The following ANXA4 variants were observed in gnomAD, a reference collection of about 807,000 sequenced individuals.
ANXA4 encodes the protein annexin A4, also known as 35-beta calcimedin.
A neutral mutation model predicts 49.8 loss-of-function variants in ANXA4; 39 were observed. The observed-to-expected ratio is 0.78, with a 90% CI of 0.61 to 1.02. ANXA4 has a LOEUF of 1.02. Ranked by LOEUF, ANXA4 falls within the 50% of genes least tolerant of loss-of-function variation. The pLI is 0.00. For missense variants in ANXA4, 360 were observed against 410.1 expected (o/e 0.88, Z 1.05); for synonymous variants, 134 against 152.5 (o/e 0.88, Z 0.89).
At chr2:69,668,417 C>G (rs1677023380) in intron 2 of ANXA4, among the ~76,000 whole-genome samples, 1 of 151,962 alleles carries the variant, frequency 6.6e-6, no homozygotes, top group Admixed American at 6.6e-5. Context: ...TTAAGACCAG[C>G]CTGGGGCAAC....
At chr2:69,822,189 T>C (rs1344870377) in intron 12 of ANXA4, among the ~76,000 whole-genome samples, 3 of 151,972 alleles carry the variant, frequency 2.0e-5, no homozygotes, top group African/African-American at 7.2e-5. Flanking sequence ...AGTGAGACCC[T>C]GTCTCTACAA....
chr2:69,686,256 C>A (rs1327345605), intron 2 of ANXA4, among the ~76,000 whole-genome samples: 1 of 152,094 alleles, frequency 6.6e-6, no homozygotes, highest in Non-Finnish European at 1.5e-5. Flanking sequence ...GTGATCTCTT[C>A]TCACTGCAAC....
At chr2:69,759,982 G>A (rs1374926458) in intron 1 of ANXA4, among the ~76,000 whole-genome samples, 1 of 151,956 alleles carries the variant, frequency 6.6e-6, no homozygotes, top group East Asian at 1.9e-4. Flanking sequence ...ACAGGTGCCC[G>A]CCACCATGCC....
At chr2:69,675,112 C>T (rs970354216) in intron 2 of ANXA4, among the ~76,000 whole-genome samples, 2 of 151,984 alleles carry the variant, frequency 1.3e-5, no homozygotes, top group Non-Finnish European at 2.9e-5. Flanking sequence ...GTAGTAGAGA[C>T]GGGGTTTCAC....
At chr2:69,726,560 C>A (rs1286760334) in intron 3 of ANXA4, among the ~76,000 whole-genome samples, 1 of 152,120 alleles carries the variant, frequency 6.6e-6, no homozygotes, top group Non-Finnish European at 1.5e-5. Context: ...TACAGAGAAA[C>A]ACACAGCTCA....
At chr2:69,736,217 T>C (rs543314212) in intron 3 of ANXA4, among the ~76,000 whole-genome samples, 9 of 152,268 alleles carry the variant, frequency 5.9e-5, no homozygotes, top group African/African-American at 2.2e-4. Flanking sequence ...CACCTCTTGA[T>C]TGAGGTGGGG....
At chr2:69,730,817 T>C (rs913737670) in intron 3 of ANXA4, among the ~76,000 whole-genome samples, 1 of 152,222 alleles carries the variant, frequency 6.6e-6, no homozygotes, top group Non-Finnish European at 1.5e-5. Context: ...TGCTTAGGGA[T>C]TGCTTGATAA....
intron 2 of ANXA4, among the ~76,000 whole-genome samples, chr2:69,675,559 T>A (rs1677376639): frequency 6.6e-6 from 1 of 152,194 alleles, no homozygotes; most frequent in South Asian, 2.1e-4. Flanking sequence ...GAGAAAAGAC[T>A]TGTTTAGAGC....
intron 1 of ANXA4, among the ~76,000 whole-genome samples, chr2:69,753,421 A>T (rs752941973): frequency 6.6e-6 from 1 of 152,228 alleles, no homozygotes. Flanking sequence ...CCGAAAATCT[A>T]TATTTTAACT....
intron 12 of ANXA4, among the ~76,000 whole-genome samples, chr2:69,822,323 C>T (rs1226807375): frequency 6.6e-6 from 1 of 151,978 alleles, no homozygotes; most frequent in Non-Finnish European, 1.5e-5. Flanking sequence ...GACTGTACCA[C>T]TTCAAGACTC....
At chr2:69,753,095 G>A (rs1036201326) in intron 1 of ANXA4, among the ~76,000 whole-genome samples, 18 of 152,116 alleles carry the variant, frequency 1.2e-4, no homozygotes, top group Admixed American at 9.8e-4. Flanking sequence ...CTCACATGCC[G>A]CTTTGTCTTT....
At chr2:69,798,903 A>G (rs184213932) in intron 3 of ANXA4, among the ~76,000 whole-genome samples, 2 of 152,216 alleles carry the variant, frequency 1.3e-5, no homozygotes, top group African/African-American at 4.8e-5. Flanking sequence ...GGTCAAGGAC[A>G]TGCACACACA....
At chr2:69,649,821 C>A (rs534328010) in intron 1 of ANXA4, among the ~76,000 whole-genome samples, 92 of 150,686 alleles carry the variant, frequency 6.1e-4, no homozygotes, top group African/African-American at 2.2e-3. Context: ...AGGGTTTCAC[C>A]ATGTTGCCGA....
intron 8 of ANXA4, among the ~76,000 whole-genome samples, chr2:69,813,286 T>C (rs1404949353): frequency 7.2e-5 from 11 of 151,966 alleles, no homozygotes; most frequent in Non-Finnish European, 1.5e-4. Context: ...TTCACTCTTG[T>C]TGCCCAGGCT....
At chr2:69,736,390 C>A (rs911889420) in intron 3 of ANXA4, among the ~76,000 whole-genome samples, 2 of 152,204 alleles carry the variant, frequency 1.3e-5, no homozygotes, top group African/African-American at 4.8e-5. Flanking sequence ...GAGTATCTAA[C>A]TCATCGAACC....
chr2:69,668,992 A>G (rs1009229053), intron 2 of ANXA4, among the ~76,000 whole-genome samples: 11 of 150,012 alleles, frequency 7.3e-5, no homozygotes, highest in African/African-American at 2.5e-4. Context: ...GCTGCAGTGC[A>G]GTGGTGCGAT....
intron 2 of ANXA4, among the ~76,000 whole-genome samples, chr2:69,693,252 T>A (rs1678036134): frequency 6.6e-6 from 1 of 151,490 alleles, no homozygotes; most frequent in Admixed American, 6.6e-5. Context: ...CTTTGAAGAG[T>A]CCTCATCTGT....
chr2:69,729,952 C>T (rs1194082332), intron 3 of ANXA4, among the ~76,000 whole-genome samples: 1 of 152,130 alleles, frequency 6.6e-6, no homozygotes, highest in Non-Finnish European at 1.5e-5. Context: ...ATAGTGACTC[C>T]CTGCAAAGAG....
At chr2:69,702,185 T>C (rs1356340836) in intron 2 of ANXA4, among the ~76,000 whole-genome samples, 9 of 151,904 alleles carry the variant, frequency 5.9e-5, no homozygotes, top group Admixed American at 5.9e-4. Context: ...CTCATTTTTT[T>C]GTGTTTTTAG....
Sources: allele counts gnomAD v4.1 joint callset (sites outside exome capture counted in the v4.1 genomes callset), GRCh38; gene constraint gnomAD v4.1.1; transcripts MANE v1.5; gene names NCBI Gene and HGNC (gene_info 2026-07-23, HGNC 2026-07-21).